The following NRG1 variants were observed in gnomAD, a reference collection of about 807,000 sequenced individuals.
NRG1 encodes the protein pro-neuregulin-1, membrane-bound isoform.
In NRG1, 18 loss-of-function variants were observed where a neutral mutation model predicts 63.8. The ratio of observed to expected loss-of-function variants is 0.28; its 90% CI spans 0.19 to 0.42. The LOEUF (loss-of-function observed/expected upper bound fraction) is 0.42. Ranked by LOEUF, NRG1 falls within the 10% of genes least tolerant of loss-of-function variation. NRG1 has a pLI of 1.00. For missense variants in NRG1, 762 were observed against 814.7 expected, an observed-to-expected ratio of 0.94 and a Z score of 0.79; for synonymous variants, 302 against 301.3, an observed-to-expected ratio of 1.00 and a Z score of -0.02.
At chr8:31,962,700 T>G (rs1223643016) in intron 1 of NRG1, among the ~76,000 whole-genome samples, 2 of 152,180 alleles carry the variant, frequency 1.3e-5, no homozygotes, top group African/African-American at 4.8e-5. Flanking sequence ...GCAATCAATA[T>G]CTAATTCATT....
chr8:32,097,947 AT>A (rs1413646305), intron 1 of NRG1, among the ~76,000 whole-genome samples: 1 of 152,212 alleles, frequency 6.6e-6, no homozygotes. Flanking sequence ...GGAGATATAA[AT>A]TTAGAAGACA....
chr8:32,625,332 A>G (rs1849032416), intron 5 of NRG1, among the ~76,000 whole-genome samples: 1 of 152,346 alleles, frequency 6.6e-6, no homozygotes, highest in East Asian at 1.9e-4. Context: ...GCCTAGAGCT[A>G]TGCTCATCTT....
chr8:32,150,439 A>G (rs118149637), intron 1 of NRG1, among the ~76,000 whole-genome samples: 72 of 152,284 alleles, frequency 4.7e-4, no homozygotes, highest in Non-Finnish European at 9.0e-4. Flanking sequence ...GGGGTTCTCC[A>G]TATGCATGAA....
At chr8:32,412,424 A>G (rs903823443) in intron 1 of NRG1, among the ~76,000 whole-genome samples, 1 of 42,008 alleles carries the variant, frequency 2.4e-5, no homozygotes, top group Non-Finnish European at 5.3e-5. Flanking sequence ...CTCTCTCTAC[A>G]TATATATATA....
rs537366724 is a variant in NRG1 at position 32,292,881 on chromosome 8, T to C, written c.38-302947T>C. 6.6e-5 allele frequency among the ~76,000 whole-genome samples: 10 copies of C among 152,194 alleles called. No homozygotes were observed. The South Asian group carries it at 1.9e-3, about 28-fold the overall frequency. On this transcript the variant is annotated intron_variant, in intron 1 of 10. Coordinates refer to the NRG1 transcript ENST00000519301. ...AGCACCTTGGGAGGCCAAGGCAGGC[T>C]GATCACGAGGTCAGGAATTTGAGAC...
chr8:31,782,809 C>T lies in NRG1; in HGVS notation c.37+143378C>T, dbSNP rs185867973. Among the ~76,000 whole-genome samples, 283 of 152,186 alleles carry T rather than the reference C, an allele frequency of 1.9e-3. 2 individuals carry two copies. Among genetic ancestry groups the T allele is most frequent in the African/African-American group, 6.3e-3 (263 of 41,532 alleles). On this transcript the variant is annotated intron_variant, in intron 1 of 10. Coordinates refer to the NRG1 transcript ENST00000519301. ...GATTTAGTAGTCTAAATTGGGGTCT[C>T]GGGTTCTGTGTGTCCGACAGGCTCA...
At chr8:32,174,813 G>C (rs868769187) in intron 1 of NRG1, among the ~76,000 whole-genome samples, 39 of 152,074 alleles carry the variant, frequency 2.6e-4, no homozygotes, top group African/African-American at 7.5e-4. Flanking sequence ...AGACCAATAA[G>C]AGGCTCTGAA....
chr8:32,737,722 G>T (rs1391910332), intron 6 of NRG1, among the ~76,000 whole-genome samples: 1 of 147,796 alleles, frequency 6.8e-6, no homozygotes, highest in Non-Finnish European at 1.5e-5. Flanking sequence ...TGTCACCCAG[G>T]CTGGTATGTA....
At chr8:31,959,794 A>T (rs55881684) in intron 1 of NRG1, among the ~76,000 whole-genome samples, 39,563 of 121,152 alleles carry the variant, frequency 0.33, 6,841 homozygotes, top group African/African-American at 0.48. Flanking sequence ...TTATTTATTT[A>T]TTATTTATTT....
intron 1 of NRG1, among the ~76,000 whole-genome samples, chr8:32,526,274 C>G (rs1269347863): frequency 6.6e-6 from 1 of 152,224 alleles, no homozygotes; most frequent in Non-Finnish European, 1.5e-5. Flanking sequence ...GATGAACTGA[C>G]AGTCTTGTTC....
intron 5 of NRG1, among the ~76,000 whole-genome samples, chr8:32,706,382 G>C (rs1267135539): frequency 1.3e-5 from 2 of 152,174 alleles, no homozygotes; most frequent in African/African-American, 4.8e-5. Context: ...AGGCAAACAA[G>C]AAAGAATGCA....
intron 1 of NRG1, among the ~76,000 whole-genome samples, chr8:32,207,631 C>T (rs146613113): frequency 6.6e-6 from 1 of 152,252 alleles, no homozygotes; most frequent in Non-Finnish European, 1.5e-5. Context: ...AACATCATAA[C>T]AGCATATGGG....
chr8:31,829,778 T>G lies in NRG1; in HGVS notation c.37+190347T>G, dbSNP rs529328966. ...TGCTTCTTCTCTTGAAATGGCTGTT[T>G]TGTTTTATGGAGATTGGCTAGACTG... On this transcript the variant is annotated intron_variant, in intron 1 of 10. Transcript: ENST00000519301. Among the ~76,000 whole-genome samples, 75 of 152,330 alleles carry G rather than the reference T, an allele frequency of 4.9e-4. 1 individual carries two copies. The highest frequency in any genetic ancestry group is 4.4e-3 in the Admixed American group (67 of 15,304).
chr8:32,434,557 C>G (rs1262148416), intron 1 of NRG1, among the ~76,000 whole-genome samples: 2 of 152,126 alleles, frequency 1.3e-5, no homozygotes, highest in African/African-American at 4.8e-5. Context: ...CTGGGAGTTA[C>G]AGCCCTCTGG....
At chr8:32,307,095 A>G (rs182308645) in intron 1 of NRG1, among the ~76,000 whole-genome samples, 143 of 152,258 alleles carry the variant, frequency 9.4e-4, no homozygotes, top group Non-Finnish European at 2.2e-4. Context: ...TTGTTAAAGT[A>G]TCTTAAACCG....
intron 1 of NRG1, among the ~76,000 whole-genome samples, chr8:31,796,211 A>G (rs915390533): frequency 5.9e-5 from 9 of 152,116 alleles, no homozygotes; most frequent in Non-Finnish European, 1.0e-4. Context: ...CTAGGAAGAA[A>G]TAGACCAGAT....
At chr8:32,381,542 G>T (rs75963591) in intron 1 of NRG1, among the ~76,000 whole-genome samples, 8,639 of 152,166 alleles carry the variant, frequency 0.057, 336 homozygotes, top group Middle Eastern at 0.092. Flanking sequence ...TTGCATTTTG[G>T]AATAATAATT....
intron 5 of NRG1, among the ~76,000 whole-genome samples, chr8:32,674,513 GA>G (rs1001265129): frequency 9.2e-5 from 14 of 152,172 alleles, no homozygotes; most frequent in African/African-American, 3.4e-4. Context: ...TATGACAACT[GA>G]AAAAAACCTT....
intron 1 of NRG1, among the ~76,000 whole-genome samples, chr8:32,065,810 A>G (rs1403059415): frequency 1.3e-5 from 2 of 152,154 alleles, no homozygotes; most frequent in Admixed American, 1.3e-4. Flanking sequence ...CAACAGTGCA[A>G]AAGTGTTCCT....
Sources: allele counts gnomAD v4.1 joint callset (sites outside exome capture counted in the v4.1 genomes callset), GRCh38; gene constraint gnomAD v4.1.1; transcripts MANE v1.5; gene names NCBI Gene and HGNC (gene_info 2026-07-23, HGNC 2026-07-21).